Variants in ERGIC1 observed in about 807,000 individuals in gnomAD.
ERGIC1 encodes endoplasmic reticulum-Golgi intermediate compartment protein 1.
Under a neutral mutation model 38.3 loss-of-function variants are expected in ERGIC1, and 19 were observed. That is an observed-to-expected ratio of 0.50 (90% CI 0.35 to 0.73). ERGIC1 has a LOEUF of 0.73. Among genes scored for constraint, ERGIC1 ranks in the 30% least tolerant of loss-of-function variants. The pLI, the probability that ERGIC1 is intolerant of heterozygous loss-of-function variation, is 0.01. For missense variants in ERGIC1, 294 were observed against 389.2 expected, an observed-to-expected ratio of 0.76 and a Z score of 2.06; for synonymous variants, 124 against 157.6, an observed-to-expected ratio of 0.79 and a Z score of 1.60.
intron 1 of ERGIC1, among the ~76,000 whole-genome samples, chr5:172,884,500 C>T (rs1762370556): frequency 6.6e-6 from 1 of 152,280 alleles, no homozygotes; most frequent in Non-Finnish European, 1.5e-5. Flanking sequence ...AGCGATCCCC[C>T]CACCTGGGCC....
At chr5:172,892,451 C>T (rs1241435706) in intron 2 of ERGIC1, among the ~76,000 whole-genome samples, 1 of 152,170 alleles carries the variant, frequency 6.6e-6, no homozygotes, top group African/African-American at 2.4e-5. Flanking sequence ...TAAATGTTGC[C>T]TCCTCCACTT....
At chr5:172,919,941 T>G (rs538830870) in intron 5 of ERGIC1, among the ~76,000 whole-genome samples, 3 of 152,268 alleles carry the variant, frequency 2.0e-5, no homozygotes, top group South Asian at 4.1e-4. Context: ...TTTCCACATA[T>G]TAGCTCCTTT....
intron 1 of ERGIC1, among the ~76,000 whole-genome samples, chr5:172,888,160 G>GTT (rs1762467668): frequency 6.6e-6 from 1 of 152,188 alleles, no homozygotes; most frequent in Non-Finnish European, 1.5e-5. Flanking sequence ...TCTGATGGAA[G>GTT]ACCCACCGAT....
chr5:172,914,635 G>T (rs760473835), intron 4 of ERGIC1, 79 bp from the exon 5 acceptor site: 1 of 1,611,750 alleles, frequency 6.2e-7, no homozygotes, highest in South Asian at 1.1e-5. Flanking sequence ...ATGAATGAAG[G>T]CTCCCAGAGA....
intron 5 of ERGIC1, among the ~76,000 whole-genome samples, chr5:172,922,630 TCCC>T (rs1439338272): frequency 3.3e-5 from 5 of 152,080 alleles, no homozygotes; most frequent in African/African-American, 1.2e-4. Context: ...TGGATGCTGT[TCCC>T]GGCACGGCAG....
chr5:172,893,917 G>A (rs1269709473), intron 2 of ERGIC1, among the ~76,000 whole-genome samples: 6,825 of 60,418 alleles, frequency 0.11, 940 homozygotes, highest in African/African-American at 0.23. Context: ...GTGTGTGTGT[G>A]TGTGTGTGTG....
chr5:172,887,701 T>G (rs1762456839), intron 1 of ERGIC1, among the ~76,000 whole-genome samples: 1 of 152,176 alleles, frequency 6.6e-6, no homozygotes, highest in East Asian at 1.9e-4. Flanking sequence ...TGTGCTCTGG[T>G]GGGATCCATA....
chr5:172,860,790 C>T (rs1292184904), intron 1 of ERGIC1, among the ~76,000 whole-genome samples: 3 of 152,150 alleles, frequency 2.0e-5, no homozygotes, highest in Non-Finnish European at 4.4e-5. Context: ...AGGAAGGAGT[C>T]CAGGGTGTTA....
intron 9 of ERGIC1, among the ~76,000 whole-genome samples, chr5:172,941,873 A>G (rs1764018020): frequency 6.6e-6 from 1 of 152,246 alleles, no homozygotes; most frequent in African/African-American, 2.4e-5. Flanking sequence ...AAACTAAGGC[A>G]GCAAGTGCTG....
intron 1 of ERGIC1, among the ~76,000 whole-genome samples, chr5:172,879,765 G>C (rs1435557437): frequency 6.6e-6 from 1 of 152,178 alleles, no homozygotes; most frequent in Non-Finnish European, 1.5e-5. Context: ...TATGTGGGAG[G>C]TTTTATTCCG....
rs1763659665 is a variant in ERGIC1, at chr5:172,926,710, A to C, written c.541+141A>C. 5 of 880,302 alleles carry C rather than the reference A, an allele frequency of 5.7e-6. No individual in the cohort carries two copies. Among genetic ancestry groups the C allele is most frequent in the Non-Finnish European group, 8.9e-6 (5 of 559,172 alleles). 54.5% of individuals were successfully genotyped at this position (880,302 alleles called of 1,614,324 possible). On this transcript the variant is annotated intron_variant, in intron 7 of 9. Transcript: ENST00000393784. The surrounding 1 kb of genome is among the most constrained non-coding windows in gnomAD (Gnocchi z 5.2). ...GCTGCTGCTCACACTCCATTCCCACAGCTAACCAGTGGGAAGGTGGACCCA... is the reference window on the plus strand; with the variant it reads ...GCTGCTGCTCACACTCCATTCCCACCGCTAACCAGTGGGAAGGTGGACCCA...
At chr5:172,905,377 G>A in intron 3 of ERGIC1, 2 of 457,526 alleles carry the variant, frequency 4.4e-6, no homozygotes, top group Middle Eastern at 3.4e-4. Context: ...GCTGTAGGGA[G>A]GCCGATCCTC....
In ERGIC1 at chr5:172,834,538, G is replaced by A; in HGVS notation, c.20+105G>A. 1.8e-6 allele frequency: 2 copies of A among 1,114,468 alleles called. No homozygotes were observed. The highest frequency in any genetic ancestry group is 2.3e-6 in the Non-Finnish European group (2 of 888,254). 69.0% of individuals were successfully genotyped at this position (1,114,468 alleles called of 1,614,324 possible). A position where few individuals can be genotyped will look rare whatever the true frequency, so the allele number is the denominator to read the frequency against. On this transcript the variant is annotated intron_variant, in intron 1 of 9. Coordinates refer to ENST00000393784, the MANE Select transcript of ERGIC1 (RefSeq NM_001031711.3). The surrounding 1 kb of genome is among the most constrained non-coding windows in gnomAD (Gnocchi z 4.1). The stretch of plus-strand genomic sequence containing the variant: ...GCCCTGCATGCAAAAGCGGCTCCCC[G>A]CCCTGTGCATGCCTCCGCAGGCCCC...
chr5:172,890,113 C>T (rs1393668081), intron 2 of ERGIC1, among the ~76,000 whole-genome samples: 1 of 152,150 alleles, frequency 6.6e-6, no homozygotes, highest in African/African-American at 2.4e-5. Context: ...GAAAGGTTGG[C>T]ATGACCAGTG....
intron 9 of ERGIC1, among the ~76,000 whole-genome samples, chr5:172,947,664 C>A (rs1161100007): frequency 2.0e-5 from 3 of 152,226 alleles, no homozygotes; most frequent in African/African-American, 7.2e-5. Flanking sequence ...CAGTCACTCA[C>A]CCTGTGACTG....
chr5:172,938,919 C>T (rs550654781), intron 9 of ERGIC1, among the ~76,000 whole-genome samples: 7 of 151,856 alleles, frequency 4.6e-5, no homozygotes, highest in South Asian at 4.2e-4. Context: ...AAAAATTAGC[C>T]GGGCATGGTG....
intron 9 of ERGIC1, among the ~76,000 whole-genome samples, chr5:172,944,018 G>C (rs1764066326): frequency 6.6e-6 from 1 of 152,224 alleles, no homozygotes; most frequent in Non-Finnish European, 1.5e-5. Flanking sequence ...GGACCCCTGG[G>C]AGGAAGTTGC....
At chr5:172,905,384 C>A in intron 3 of ERGIC1, 1 of 459,260 alleles carries the variant, frequency 2.2e-6, no homozygotes, top group South Asian at 1.6e-5. Context: ...GGAGGCCGAT[C>A]CTCCTCGGGC....
intron 3 of ERGIC1, chr5:172,905,262 G>C (rs111629695): frequency 7.0e-6 from 2 of 286,924 alleles, no homozygotes; most frequent in African/African-American, 2.2e-5. Context: ...CTCCTTAGTT[G>C]ACTGTGTGTT....
Sources: allele counts gnomAD v4.1 joint callset (sites outside exome capture counted in the v4.1 genomes callset), GRCh38; gene constraint gnomAD v4.1.1; non-coding constraint Gnocchi (gnomAD v3.1); transcripts MANE v1.5; gene names NCBI Gene and HGNC (gene_info 2026-07-23, HGNC 2026-07-21).